GPC6: variants seen among roughly 807,000 people sequenced by gnomAD.
GPC6 encodes glypican 6.
A neutral mutation model predicts 55.2 loss-of-function variants in GPC6; 14 were observed. The ratio of observed to expected loss-of-function variants is 0.25; its 90% CI spans 0.17 to 0.40. The LOEUF (loss-of-function observed/expected upper bound fraction) is 0.40. Ranked by LOEUF, GPC6 falls within the 10% of genes least tolerant of loss-of-function variation. The pLI is 1.00. For missense variants in GPC6, 641 were observed against 708.5 expected (o/e 0.90, Z 1.08); for synonymous variants, 278 against 259.6 (o/e 1.07, Z -0.68).
At chr13:93,327,475 A>G (rs1298804035) in intron 1 of GPC6, among the ~76,000 whole-genome samples, 4 of 152,166 alleles carry the variant, frequency 2.6e-5, no homozygotes, top group Non-Finnish European at 5.9e-5. Flanking sequence ...AAAAAAATCA[A>G]TTGCATAGGA....
At chr13:93,353,401 T>C (rs1880701772) in intron 1 of GPC6, among the ~76,000 whole-genome samples, 2 of 152,094 alleles carry the variant, frequency 1.3e-5, no homozygotes, top group Non-Finnish European at 2.9e-5. Flanking sequence ...TGCCAAGTGA[T>C]GTTTGTGGCA....
At chr13:93,673,468 G>A (rs185851338) in intron 2 of GPC6, among the ~76,000 whole-genome samples, 1 of 152,110 alleles carries the variant, frequency 6.6e-6, no homozygotes, top group Non-Finnish European at 1.5e-5. Context: ...AGTTGAGATA[G>A]TGCCACTGCA....
chr13:94,039,419 A>G (rs962144005), intron 4 of GPC6, among the ~76,000 whole-genome samples: 1 of 151,958 alleles, frequency 6.6e-6, no homozygotes. Flanking sequence ...AGAGTTGGAC[A>G]TAAAAATTTA....
At chr13:93,614,676 A>C (rs1207209627) in intron 2 of GPC6, among the ~76,000 whole-genome samples, 1 of 152,178 alleles carries the variant, frequency 6.6e-6, no homozygotes, top group African/African-American at 2.4e-5. Flanking sequence ...TTTTCAAATT[A>C]TATAATTGTT....
chr13:94,174,761 C>G (rs780018398), intron 4 of GPC6, among the ~76,000 whole-genome samples: 2 of 152,104 alleles, frequency 1.3e-5, no homozygotes, highest in Non-Finnish European at 2.9e-5. Flanking sequence ...TCCAAAGTCA[C>G]GGAAAACAGC....
At chr13:93,905,270 T>C (rs1876603549) in intron 3 of GPC6, among the ~76,000 whole-genome samples, 1 of 152,142 alleles carries the variant, frequency 6.6e-6, no homozygotes, top group African/African-American at 2.4e-5. Context: ...TCTCTTACTC[T>C]ATATTCTTGG....
chr13:94,324,705 G>GTT lies in GPC6; in HGVS notation c.1152+18592_1152+18593dup, dbSNP rs11384642. ...AACCAGAACAAGACCTGGGTTTTTT[G>GTT]TTTTTTTTTTTAATTTCTGTTCTAG... On this transcript the variant is annotated intron_variant, in intron 6 of 8. Coordinates refer to ENST00000377047, the MANE Select transcript of GPC6 (RefSeq NM_005708.5). Among the ~76,000 whole-genome samples the GTT allele has an allele frequency of 8.1e-4, 120 of 147,768 alleles. 1 individual carries two copies. The South Asian group carries it at 0.014, about 18-fold the overall frequency.
the GPC6 span, among the ~76,000 whole-genome samples, chr13:93,217,746 C>T: frequency 6.6e-6 from 1 of 152,140 alleles, no homozygotes; most frequent in Non-Finnish European, 1.5e-5. Flanking sequence ...CTATGCTATG[C>T]ACACTCACAA....
Position 94,398,573 on chromosome 13 carries a change from C to T in GPC6, c.1397C>T (p.Ala466Val). The change falls in exon 8 of 9, where the codon GCT becomes GTT. Residue 466 changes from alanine (A) to valine (V), a missense_variant. Transcript: ENST00000377047. ...PDTFIRQQIM[A>V]LRVMTNKLKN... is the part of the protein sequence containing the mutation. ...ACTTTCATCAGACAGCAGATTATGGCTCTCCGTGTGATGACCAACAAACTA... is the reference window on the plus strand; with the variant it reads ...ACTTTCATCAGACAGCAGATTATGGTTCTCCGTGTGATGACCAACAAACTA... 6.2e-7 allele frequency: 1 copy of T among 1,613,842 alleles called. No individual in the cohort carries two copies. The highest frequency in any genetic ancestry group is 8.5e-7 in the Non-Finnish European group (1 of 1,179,704).
At chr13:93,622,408 A>G (rs1174562033) in intron 2 of GPC6, among the ~76,000 whole-genome samples, 4 of 152,110 alleles carry the variant, frequency 2.6e-5, no homozygotes, top group African/African-American at 4.8e-5. Flanking sequence ...GGGAACAGAA[A>G]GGAAAAAATA....
At chr13:94,041,650 G>C (rs1274588424) in intron 4 of GPC6, among the ~76,000 whole-genome samples, 2 of 151,694 alleles carry the variant, frequency 1.3e-5, no homozygotes, top group South Asian at 2.1e-4. Context: ...GAAACTTTTA[G>C]CCAAGCCTTT....
intron 3 of GPC6, among the ~76,000 whole-genome samples, chr13:93,983,220 T>G (rs1424370163): frequency 1.3e-5 from 2 of 152,184 alleles, no homozygotes; most frequent in African/African-American, 4.8e-5. Flanking sequence ...ATGTTAATCA[T>G]AGTAAATGCA....
At chr13:93,641,873 G>C (rs1473187167) in intron 2 of GPC6, among the ~76,000 whole-genome samples, 2 of 151,998 alleles carry the variant, frequency 1.3e-5, no homozygotes, top group African/African-American at 4.8e-5. Context: ...CAGAAATAAA[G>C]CAATACATGC....
rs1025826842 is a variant in GPC6 at position 93,336,669 on chromosome 13, C to T, written c.160+109053C>T. Reference sequence around the variant, plus strand: ...AGCACAAGTTCTTTTTAATGTAAGTCCATGTATTAATCAAAACAGCTGTGA... The same window carrying T: ...AGCACAAGTTCTTTTTAATGTAAGTTCATGTATTAATCAAAACAGCTGTGA... On this transcript the variant is annotated intron_variant, in intron 1 of 8. Transcript: ENST00000377047. Among the ~76,000 whole-genome samples, 10 of 152,102 alleles carry T rather than the reference C, an allele frequency of 6.6e-5. No individual in the cohort carries two copies. In the East Asian group the frequency reaches 1.9e-3, roughly 29 times the overall value.
intron 2 of GPC6, among the ~76,000 whole-genome samples, chr13:93,679,976 A>G (rs1349436817): frequency 6.6e-6 from 1 of 152,152 alleles, no homozygotes; most frequent in Non-Finnish European, 1.5e-5. Context: ...AGATCATGAC[A>G]ATTGTCATGG....
In GPC6 at chr13:93,995,015, C is replaced by T. The variant is rs1163738931; in HGVS notation, c.712-32714C>T. ...ATATCTTCTATATACCTGTTTTTGC[C>T]TGATTTCAGTTTGTTAGAACATGAG... On this transcript the variant is annotated intron_variant, in intron 3 of 8. Transcript: ENST00000377047. 2.6e-5 allele frequency among the ~76,000 whole-genome samples: 4 copies of T among 152,006 alleles called. No individual in the cohort carries two copies. In the East Asian group the frequency reaches 7.7e-4, roughly 29 times the overall value.
intron 4 of GPC6, among the ~76,000 whole-genome samples, chr13:94,120,005 C>T (rs1007056205): frequency 3.9e-5 from 6 of 151,968 alleles, no homozygotes; most frequent in African/African-American, 1.4e-4. Context: ...TATAGTAAAG[C>T]GTAATAGGAA....
chr13:93,414,841 G>A (rs1876638421), intron 1 of GPC6, among the ~76,000 whole-genome samples: 1 of 152,038 alleles, frequency 6.6e-6, no homozygotes. Context: ...TTGCTTAGGT[G>A]AACTAAACTT....
intron 3 of GPC6, among the ~76,000 whole-genome samples, chr13:93,930,375 G>A (rs1878104926): frequency 6.7e-6 from 1 of 148,816 alleles, no homozygotes; most frequent in African/African-American, 2.5e-5. Context: ...AGGTTCAAGT[G>A]ATTCTCCTGC....
Sources: gnomAD v4.1 joint callset for allele counts (sites outside exome capture counted in the v4.1 genomes callset) on GRCh38, gnomAD v4.1.1 for gene constraint, MANE v1.5 for transcripts, NCBI Gene and HGNC (gene_info 2026-07-23, HGNC 2026-07-21) for gene names.